Variants in KAT6B observed in about 807,000 individuals in gnomAD.
KAT6B encodes the protein lysine acetyltransferase 6B.
In KAT6B, 10 loss-of-function variants were observed where a neutral mutation model predicts 187.5. The ratio of observed to expected loss-of-function variants is 0.05; its 90% confidence interval spans 0.03 to 0.09. KAT6B has a LOEUF of 0.09. Ranked by LOEUF, KAT6B falls within the 10% of genes least tolerant of loss-of-function variation. The pLI is 1.00. For synonymous variants in KAT6B, 861 were observed against 926.8 expected, an observed-to-expected ratio of 0.93 and a Z score of 1.29; for missense variants, 1,952 against 2,558.9, an observed-to-expected ratio of 0.76 and a Z score of 5.12.
In KAT6B at chr10:75,029,421, GCAA is replaced by G. The variant is rs779545571; in HGVS notation, c.4599_4601del (p.Thr1534del). 1.2e-5 allele frequency: 20 copies of G among 1,613,972 alleles called. No homozygotes were observed. Among genetic ancestry groups the G allele is most frequent in the Non-Finnish European group, 1.6e-5 (19 of 1,180,018 alleles). ...TACAGAGTTCAAAGAGGGAAACCCAGCAACCATGGAAATCGACTCTGAGACTGT... is the reference window on the plus strand; with the variant it reads ...TACAGAGTTCAAAGAGGGAAACCCAGCCATGGAAATCGACTCTGAGACTGT... On this transcript the variant is annotated inframe_deletion, in exon 18 of 18. Coordinates refer to ENST00000287239, the MANE Select transcript of KAT6B (RefSeq NM_012330.4). This position sits in a 1 kb window ranked among gnomAD's most constrained non-coding sequence, Gnocchi z 6.2.
At chr10:74,848,558 A>C (rs535057225) in intron 3 of KAT6B, among the ~76,000 whole-genome samples, 1 of 127,314 alleles carries the variant, frequency 7.9e-6, no homozygotes, top group Non-Finnish European at 1.5e-5. Flanking sequence ...TGTGGTTTTT[A>C]ATTTTTTTTT....
intron 1 of KAT6B, among the ~76,000 whole-genome samples, chr10:74,832,847 G>A (rs1178432803): frequency 3.3e-5 from 5 of 150,988 alleles, no homozygotes; most frequent in Admixed American, 6.6e-5. Context: ...TTTTTTGGCC[G>A]GGCATGATGG....
chr10:75,016,527 A>T (rs1844984217), intron 13 of KAT6B, among the ~76,000 whole-genome samples: 1 of 152,242 alleles, frequency 6.6e-6, no homozygotes, highest in Non-Finnish European at 1.5e-5. Flanking sequence ...GTTGATGTGG[A>T]TGAGGGGTTT....
In KAT6B at chr10:75,029,448, G is replaced by T; in HGVS notation, c.4624G>T (p.Val1542Phe). 1 of 1,614,174 alleles carries T rather than the reference G, an allele frequency of 6.2e-7. No individual in the cohort carries two copies. Among genetic ancestry groups the T allele is most frequent in the East Asian group, 2.2e-5 (1 of 44,888 alleles). Reference protein sequence around the residue: ...PATMEIDSETVQAVQSLTQES... With the variant: ...PATMEIDSETFQAVQSLTQES... ...AACCATGGAAATCGACTCTGAGACT[G>T]TCCAGGCCGTTCAGTCTTTGACCCA... The change falls in exon 18 of 18, where the codon GTC (valine) becomes TTC (phenylalanine). Residue 1542 changes from valine (V) to phenylalanine (F), a missense_variant. This residue lies in a region of KAT6B where 758 missense variants were observed against 891.4 expected (regional missense o/e 0.85). Transcript: ENST00000287239. The surrounding 1 kb of genome is among the most constrained non-coding windows in gnomAD (Gnocchi z 6.2).
Position 74,981,707 on chromosome 10 carries a change from G to A in KAT6B, c.2232-80G>A, listed in dbSNP as rs1589749900. ...TATTATACAGCCTTTTTATGATGTA[G>A]AGAAAATTGAACAATATTTAATCTT... On this transcript the variant is annotated intron_variant, in intron 10 of 17. Transcript: ENST00000287239. 9 of 1,060,428 alleles carry A rather than the reference G, an allele frequency of 8.5e-6. No individual in the cohort carries two copies. In the South Asian group the frequency reaches 1.0e-4, roughly 12 times the overall value. 65.7% of individuals were successfully genotyped at this position (1,060,428 alleles called of 1,614,324 possible).
At chr10:74,996,802 AT>A (rs1410029541) in intron 13 of KAT6B, among the ~76,000 whole-genome samples, 2 of 148,108 alleles carry the variant, frequency 1.4e-5, no homozygotes, top group Non-Finnish European at 3.0e-5. Context: ...TAGAGGAGAG[AT>A]TATGTATAAT....
chr10:74,900,707 CAGA>C (rs1396186366), intron 3 of KAT6B, among the ~76,000 whole-genome samples: 1 of 152,198 alleles, frequency 6.6e-6, no homozygotes, highest in East Asian at 1.9e-4. Context: ...GGTGATATAC[CAGA>C]AGAAGAGGCA....
chr10:74,968,805 C>T (rs973031468), intron 4 of KAT6B, among the ~76,000 whole-genome samples: 4 of 152,192 alleles, frequency 2.6e-5, no homozygotes, highest in Non-Finnish European at 5.9e-5. Context: ...TCTAGGCTCA[C>T]GCTCCGCACA....
intron 4 of KAT6B, among the ~76,000 whole-genome samples, chr10:74,963,884 G>T (rs555022580): frequency 1.1e-4 from 16 of 152,218 alleles, no homozygotes; most frequent in African/African-American, 3.9e-4. Flanking sequence ...AGCACTTTGG[G>T]AGGCCAAGGC....
intron 13 of KAT6B, among the ~76,000 whole-genome samples, chr10:75,002,609 T>C (rs1406332393): frequency 6.6e-6 from 1 of 152,204 alleles, no homozygotes; most frequent in Non-Finnish European, 1.5e-5. Context: ...AGCTGATTGC[T>C]CCTAGGTGAC....
intron 3 of KAT6B, among the ~76,000 whole-genome samples, chr10:74,945,241 A>G (rs1429981995): frequency 6.6e-6 from 1 of 152,230 alleles, no homozygotes. Context: ...TCTCAAAAAT[A>G]TGTCAAGTGT....
intron 3 of KAT6B, among the ~76,000 whole-genome samples, chr10:74,929,138 A>G (rs1484063141): frequency 6.6e-6 from 1 of 152,182 alleles, no homozygotes; most frequent in East Asian, 1.9e-4. Context: ...TCCAGGATTT[A>G]TGCCTGTCTC....
Position 75,009,689 on chromosome 10 carries a change from CT to C in KAT6B, c.2630-10890del, listed in dbSNP as rs146764453. Among the ~76,000 whole-genome samples, 16 of 152,266 alleles carry C rather than the reference CT, an allele frequency of 1.1e-4. No homozygotes were observed. The East Asian group carries it at 3.1e-3, about 29-fold the overall frequency. ...TAACATCTACTGTAGCCAGTTTGGA[CT>C]TTAAGATTCCCTAAGATTAAAGGCT... On this transcript the variant is annotated intron_variant, in intron 13 of 17. Transcript: ENST00000287239.
In KAT6B at chr10:74,843,385, T is replaced by C; in HGVS notation, c.528T>C (p.Tyr176=). The C allele has an allele frequency of 1.2e-6, 2 of 1,613,912 alleles. No homozygotes were observed. Among genetic ancestry groups the C allele is most frequent in the Non-Finnish European group, 1.7e-6 (2 of 1,179,962 alleles). The change falls in exon 3 of 18, where the codon TAT becomes TAC. Residue 176 remains tyrosine, a synonymous_variant. Transcript: ENST00000287239. ...LKDGPQYRVN[Y]GSLDGKGAPQ... The stretch of plus-strand genomic sequence containing the variant: ...ACGGACCGCAGTACAGGGTCAATTA[T>C]GGGAGCTTAGATGGCAAAGGGGCAC...
At chr10:75,011,751 C>T (rs1168525364) in intron 13 of KAT6B, among the ~76,000 whole-genome samples, 1 of 152,138 alleles carries the variant, frequency 6.6e-6, no homozygotes, top group Non-Finnish European at 1.5e-5. Context: ...AGACCAGGAA[C>T]TCGGTTGTGG....
chr10:75,028,360 CATCAACTT>C, intron 17 of KAT6B, 121 bp from the exon 18 acceptor site: 1 of 1,349,840 alleles, frequency 7.4e-7, no homozygotes, highest in Middle Eastern at 2.4e-4. Flanking sequence ...ATGTCTTTAC[CATCAACTT>C]TTAACATGCC....
chr10:74,931,249 T>A (rs1239350251), intron 3 of KAT6B, among the ~76,000 whole-genome samples: 1 of 152,188 alleles, frequency 6.6e-6, no homozygotes, highest in African/African-American at 2.4e-5. Context: ...TTTCCTCTCC[T>A]GTCCCTGGGT....
chr10:75,008,678 A>C (rs1844388863), intron 13 of KAT6B, among the ~76,000 whole-genome samples: 1 of 152,228 alleles, frequency 6.6e-6, no homozygotes, highest in African/African-American at 2.4e-5. Context: ...AAACTTGTAG[A>C]ACATAATGAA....
rs1842744157 is a variant in KAT6B, at chr10:74,985,364, C to T, written c.2535+123C>T. On this transcript the variant is annotated intron_variant, in intron 12 of 17. Coordinates refer to ENST00000287239, the MANE Select transcript of KAT6B (RefSeq NM_012330.4). Reference sequence around the variant, plus strand: ...ATAAGTGACATGTGTTTTTGAAAAGCTCAGGTTCTTGTTCAGAGCTCATTT... The same window carrying T: ...ATAAGTGACATGTGTTTTTGAAAAGTTCAGGTTCTTGTTCAGAGCTCATTT... The T allele has an allele frequency of 5.9e-6, 6 of 1,015,674 alleles. No individual in the cohort carries two copies. In the East Asian group the frequency reaches 1.5e-4, roughly 26 times the overall value. 62.9% of individuals were successfully genotyped at this position (1,015,674 alleles called of 1,614,324 possible). A position where few individuals can be genotyped will look rare whatever the true frequency, so the allele number is the denominator to read the frequency against.
Sources: allele counts gnomAD v4.1 joint callset (sites outside exome capture counted in the v4.1 genomes callset), GRCh38; gene constraint gnomAD v4.1.1; regional missense constraint gnomAD v4.1.1; non-coding constraint Gnocchi (gnomAD v3.1); transcripts MANE v1.5; gene names NCBI Gene and HGNC (gene_info 2026-07-23, HGNC 2026-07-21).